Variants in CDC14A observed in about 807,000 individuals in gnomAD.
CDC14A encodes cell division cycle 14A.
CDC14A carries 53 observed loss-of-function variants against 74.4 expected under a neutral mutation model. The observed-to-expected ratio is 0.71, with a 90% confidence interval of 0.57 to 0.89. CDC14A has a LOEUF of 0.89. Among genes scored for constraint, CDC14A ranks in the 40% least tolerant of loss-of-function variants. The pLI, the probability that CDC14A is intolerant of heterozygous loss-of-function variation, is 0.00. For missense variants in CDC14A, 646 were observed against 713.7 expected (o/e 0.91, Z 1.08); for synonymous variants, 247 against 258.4 (o/e 0.96, Z 0.43).
At chr1:100,415,951 A>G (rs916473173) in intron 4 of CDC14A, among the ~76,000 whole-genome samples, 17 of 152,204 alleles carry the variant, frequency 1.1e-4, no homozygotes, top group Non-Finnish European at 2.4e-4. Flanking sequence ...TGATTAAGAA[A>G]ATAATGTTGC....
chr1:100,476,926 A>G (rs938167530), intron 10 of CDC14A, among the ~76,000 whole-genome samples: 3 of 152,194 alleles, frequency 2.0e-5, no homozygotes, highest in African/African-American at 7.2e-5. Flanking sequence ...CCAATTAATC[A>G]CAGTGTCCTT....
intron 2 of CDC14A, among the ~76,000 whole-genome samples, chr1:100,376,299 A>G (rs940183458): frequency 6.6e-6 from 1 of 152,168 alleles, no homozygotes; most frequent in Non-Finnish European, 1.5e-5. Context: ...CTTAAAGTAT[A>G]TATATATATA....
Position 100,508,998 on chromosome 1 carries a change from G to A in CDC14A, c.1756-9253G>A, listed in dbSNP as rs929796237. On this transcript the variant is annotated intron_variant, in intron 15 of 15. Coordinates refer to ENST00000336454, the MANE Select transcript of CDC14A (RefSeq NM_003672.4). The surrounding 1 kb of genome is among the most constrained non-coding windows in gnomAD (Gnocchi z 4.4). The stretch of plus-strand genomic sequence containing the variant: ...GTAGGTCCAGTCTCTGCAGCTTGCT[G>A]TTTAGTGCCTTTTTCAGCTTTCCCC... Among the ~76,000 whole-genome samples the A allele has an allele frequency of 1.3e-5, 2 of 152,128 alleles. No homozygotes were observed. The highest frequency in any genetic ancestry group is 1.3e-4 in the Admixed American group (2 of 15,274).
At chr1:100,369,060 G>A (rs975714204) in intron 2 of CDC14A, among the ~76,000 whole-genome samples, 1 of 151,538 alleles carries the variant, frequency 6.6e-6, no homozygotes, top group Non-Finnish European at 1.5e-5. Flanking sequence ...CCAACAGTGT[G>A]AATCTGTTGT....
intron 11 of CDC14A, 193 bp downstream of exon 11, chr1:100,484,644 T>G: frequency 8.6e-7 from 1 of 1,165,970 alleles, no homozygotes; most frequent in Non-Finnish European, 1.1e-6. Context: ...AAAAAAGCTA[T>G]AATTTAAGGA....
chr1:100,461,454 C>T (rs921228963), intron 8 of CDC14A, among the ~76,000 whole-genome samples: 13 of 152,226 alleles, frequency 8.5e-5, no homozygotes, highest in African/African-American at 3.1e-4. Flanking sequence ...CTGCCGCCAC[C>T]CCTGGAACCT....
chr1:100,462,961 C>A, intron 9 of CDC14A, 80 bp downstream of exon 9: 3 of 1,001,500 alleles, frequency 3.0e-6, no homozygotes, highest in Non-Finnish European at 4.6e-6. Flanking sequence ...TAAAACAAAA[C>A]CTGTTTAGTG....
chr1:100,461,485 A>T (rs933633872), intron 8 of CDC14A, among the ~76,000 whole-genome samples: 1 of 152,270 alleles, frequency 6.6e-6, no homozygotes, highest in Non-Finnish European at 1.5e-5. Flanking sequence ...ATGGGTTCCA[A>T]CTGAGATAAT....
chr1:100,517,454 TGTTCCTTTTTCTAATCACTG>T (rs1225422519), intron 15 of CDC14A, among the ~76,000 whole-genome samples: 1 of 152,244 alleles, frequency 6.6e-6, no homozygotes, highest in African/African-American at 2.4e-5. Context: ...GATTGATTTA[TGTTCCTTTTTCTAATCACTG>T]TTTCCTGCTA....
chr1:100,384,509 T>G (rs1313149434), intron 3 of CDC14A, among the ~76,000 whole-genome samples: 1 of 152,238 alleles, frequency 6.6e-6, no homozygotes, highest in Non-Finnish European at 1.5e-5. Context: ...TATTTTGCAT[T>G]AAATATTCAT....
At chr1:100,510,431 A>G (rs1649630391) in intron 15 of CDC14A, among the ~76,000 whole-genome samples, 1 of 152,174 alleles carries the variant, frequency 6.6e-6, no homozygotes, top group Admixed American at 6.5e-5. Flanking sequence ...AATTCATTGA[A>G]TAAACCTTCT....
intron 7 of CDC14A, among the ~76,000 whole-genome samples, chr1:100,445,162 A>T (rs1173969351): frequency 6.6e-6 from 1 of 152,206 alleles, no homozygotes; most frequent in African/African-American, 2.4e-5. Flanking sequence ...AAGAGAAAGG[A>T]TATGGAAGAG....
At chr1:100,429,687 AAT>A (rs59832646) in intron 5 of CDC14A, among the ~76,000 whole-genome samples, 7 of 144,460 alleles carry the variant, frequency 4.8e-5, no homozygotes, top group East Asian at 2.0e-4. Flanking sequence ...ACCATGGCAA[AAT>A]ATATATATAT....
At chr1:100,412,887 A>C (rs1050142601) in intron 4 of CDC14A, among the ~76,000 whole-genome samples, 3 of 148,288 alleles carry the variant, frequency 2.0e-5, no homozygotes, top group Non-Finnish European at 4.4e-5. Flanking sequence ...TAAAGTATGT[A>C]GGGAACATGT....
At chr1:100,404,562 G>A (rs1374212820) in intron 4 of CDC14A, among the ~76,000 whole-genome samples, 1 of 152,226 alleles carries the variant, frequency 6.6e-6, no homozygotes, top group African/African-American at 2.4e-5. Flanking sequence ...CTGGCGTGGT[G>A]TCTCACGCCT....
chr1:100,517,114 A>G (rs571822200), intron 15 of CDC14A, among the ~76,000 whole-genome samples: 2 of 152,244 alleles, frequency 1.3e-5, no homozygotes, highest in Non-Finnish European at 2.9e-5. Flanking sequence ...ACTCTTTGAC[A>G]TACTGTGTTA....
intron 4 of CDC14A, among the ~76,000 whole-genome samples, chr1:100,412,610 T>C (rs1490151927): frequency 6.9e-6 from 1 of 144,382 alleles, no homozygotes; most frequent in Non-Finnish European, 1.5e-5. Flanking sequence ...TTTCTGGAAG[T>C]AGTGAGGTCT....
Position 100,442,922 on chromosome 1 carries a change from T to C in CDC14A, c.457-12T>C. On this transcript the variant is annotated splice_polypyrimidine_tract_variant and intron_variant, in intron 6 of 15. Coordinates refer to ENST00000336454, the MANE Select transcript of CDC14A (RefSeq NM_003672.4). The stretch of plus-strand genomic sequence containing the variant: ...TTTAGCATGGAAAAACTAATTCAAA[T>C]TCTGCTTTTAGGGATTACAACATGG... 3 of 1,573,488 alleles carry C rather than the reference T, an allele frequency of 1.9e-6. No homozygotes were observed. The highest frequency in any genetic ancestry group is 2.6e-6 in the Non-Finnish European group (3 of 1,144,150).
chr1:100,465,276 T>TTTTTA (rs1667691286), intron 9 of CDC14A, among the ~76,000 whole-genome samples: 1 of 152,186 alleles, frequency 6.6e-6, no homozygotes, highest in African/African-American at 2.4e-5. Context: ...ATTGTAGATG[T>TTTTTA]TTTTATTTTA....
Sources: allele counts gnomAD v4.1 joint callset (sites outside exome capture counted in the v4.1 genomes callset), GRCh38; gene constraint gnomAD v4.1.1; non-coding constraint Gnocchi (gnomAD v3.1); transcripts MANE v1.5; gene names NCBI Gene and HGNC (gene_info 2026-07-23, HGNC 2026-07-21).